The following PBRM1 variants were observed in gnomAD, a reference collection of about 807,000 sequenced individuals.
PBRM1 encodes the protein protein polybromo-1.
In PBRM1, 27 loss-of-function variants were observed where a neutral mutation model predicts 194.5. The observed-to-expected ratio is 0.14, with a 90% CI of 0.10 to 0.19. The LOEUF (loss-of-function observed/expected upper bound fraction) is 0.19, where lower values mean the gene tolerates loss of function less well. PBRM1 is among the 10% of genes least tolerant of loss of function. PBRM1 has a pLI of 1.00. For missense variants in PBRM1, 1,466 were observed against 2,077.2 expected, an observed-to-expected ratio of 0.71 and a Z score of 5.72; for synonymous variants, 655 against 693.2, an observed-to-expected ratio of 0.94 and a Z score of 0.87.
exon 1 of PBRM1, chr3:52,685,754 C>G (rs1010000519): frequency 1.7e-4 from 35 of 207,622 alleles, no homozygotes; most frequent in Admixed American, 6.2e-4. Context: ...CTTACCCAGC[C>G]GCTCCGCCGC....
chr3:52,634,693 T>C (rs2095741172), exon 11 of PBRM1: 1 of 1,613,632 alleles, frequency 6.2e-7, no homozygotes, highest in Non-Finnish European at 8.5e-7. Context: ...GGTTCAGCTA[T>C]TAGCTGCCCT....
intron 23 of PBRM1, 87 bp from the exon 26 acceptor site, chr3:52,563,580 A>C: frequency 1.1e-6 from 1 of 875,536 alleles, no homozygotes; most frequent in South Asian, 1.4e-5. Context: ...AACAACTAGA[A>C]GTGACTTCCT....
intron 7 of PBRM1, 114 bp from the exon 9 acceptor site, chr3:52,644,903 T>TC (rs2096244322): frequency 2.0e-6 from 1 of 503,302 alleles, no homozygotes; most frequent in Non-Finnish European, 3.6e-6. Context: ...GGAGCAGACT[T>TC]CCATTCAATA....
At chr3:52,630,147 G>A (rs1400132074) in intron 11 of PBRM1, among the ~76,000 whole-genome samples, 3 of 151,838 alleles carry the variant, frequency 2.0e-5, no homozygotes, top group African/African-American at 7.3e-5. Context: ...ACTTGCAAAT[G>A]ACAACGAATA....
chr3:52,637,664 A>C (rs373143327), intron 10 of PBRM1, among the ~76,000 whole-genome samples: 1 of 150,630 alleles, frequency 6.6e-6, no homozygotes, highest in Admixed American at 6.7e-5. Flanking sequence ...GCAGTAGCTC[A>C]TGCTTGTAAT....
At chr3:52,618,758 C>CT (rs1241879972) in intron 13 of PBRM1, among the ~76,000 whole-genome samples, 13 of 142,524 alleles carry the variant, frequency 9.1e-5, no homozygotes, top group South Asian at 2.2e-4. Flanking sequence ...CGACGCCCTG[C>CT]TTTTTTTTTT....
intron 17 of PBRM1, among the ~76,000 whole-genome samples, chr3:52,602,555 A>G (rs2094079777): frequency 6.6e-6 from 1 of 152,152 alleles, no homozygotes; most frequent in African/African-American, 2.4e-5. Context: ...ATAGATGTCT[A>G]ATTTTCAGAA....
intron 4 of PBRM1, among the ~76,000 whole-genome samples, chr3:52,660,663 C>A (rs933801374): frequency 2.0e-5 from 3 of 151,966 alleles, no homozygotes; most frequent in African/African-American, 7.3e-5. Flanking sequence ...CAGGTGCCCA[C>A]CACCATGCCC....
intron 13 of PBRM1, among the ~76,000 whole-genome samples, chr3:52,625,603 T>C (rs959204770): frequency 2.6e-5 from 4 of 151,796 alleles, no homozygotes; most frequent in African/African-American, 9.7e-5. Flanking sequence ...AGACAGAGTT[T>C]TGCTCTTGTC....
chr3:52,617,603 G>C, intron 13 of PBRM1, 65 bp from the exon 16 acceptor site: 1 of 1,188,548 alleles, frequency 8.4e-7, no homozygotes, highest in Non-Finnish European at 1.2e-6. Flanking sequence ...ATATACGGAT[G>C]ACCACAAAAT....
chr3:52,550,240 A>G (rs1018449512), intron 29 of PBRM1, among the ~76,000 whole-genome samples, 181 bp downstream of exon 31: 11 of 151,100 alleles, frequency 7.3e-5, no homozygotes, highest in African/African-American at 2.7e-4. Flanking sequence ...AAACAAAACA[A>G]ACCATTTTCA....
chr3:52,665,296 T>A (rs1347804607), intron 3 of PBRM1, among the ~76,000 whole-genome samples: 2 of 151,990 alleles, frequency 1.3e-5, no homozygotes, highest in African/African-American at 4.8e-5. Flanking sequence ...CTGGGACTAC[T>A]GGTGCACGTC....
upstream of PBRM1, among the ~76,000 whole-genome samples, chr3:52,682,485 C>T (rs2097220941): frequency 6.6e-6 from 1 of 151,964 alleles, no homozygotes; most frequent in South Asian, 2.1e-4. Context: ...ATGTGTATGT[C>T]GTTCGGATGA....
chr3:52,628,779 G>A (rs551369707), intron 12 of PBRM1, 115 bp downstream of exon 13: 4 of 948,074 alleles, frequency 4.2e-6, no homozygotes, highest in African/African-American at 1.7e-5. Flanking sequence ...GCCAAATGAT[G>A]TAATATTACT....
At chr3:52,573,445 C>G (rs1575839163) in intron 22 of PBRM1, among the ~76,000 whole-genome samples, 1 of 152,252 alleles carries the variant, frequency 6.6e-6, no homozygotes, top group East Asian at 1.9e-4. Flanking sequence ...AGGTGCACAC[C>G]ACCACGCCCG....
At chr3:52,653,695 A>T (rs1275574025) in intron 5 of PBRM1, among the ~76,000 whole-genome samples, 2 of 152,092 alleles carry the variant, frequency 1.3e-5, no homozygotes, top group Non-Finnish European at 2.9e-5. Context: ...GCAGATCACG[A>T]GGTCAGGAGT....
chr3:52,604,202 C>T (rs937434239), intron 16 of PBRM1, among the ~76,000 whole-genome samples: 3 of 152,182 alleles, frequency 2.0e-5, no homozygotes, highest in African/African-American at 7.2e-5. Context: ...GTTGCCTAGG[C>T]TAGTGAGACC....
intron 26 of PBRM1, among the ~76,000 whole-genome samples, chr3:52,556,078 C>T (rs1255113047): frequency 2.0e-5 from 3 of 152,120 alleles, no homozygotes; most frequent in Non-Finnish European, 4.4e-5. Context: ...ATACTCTTTG[C>T]AGAGGGACTC....
chr3:52,578,663 A>G (rs1057091409), intron 21 of PBRM1, among the ~76,000 whole-genome samples: 1 of 152,244 alleles, frequency 6.6e-6, no homozygotes, highest in Non-Finnish European at 1.5e-5. Flanking sequence ...CAATAACACA[A>G]TGAACACCGA....
Sources: allele counts gnomAD v4.1 joint callset (sites outside exome capture counted in the v4.1 genomes callset), GRCh38; gene constraint gnomAD v4.1.1; transcripts MANE v1.5; gene names NCBI Gene and HGNC (gene_info 2026-07-23, HGNC 2026-07-21).